SIPA1L1: variants seen among roughly 807,000 people sequenced by gnomAD.
The protein encoded by SIPA1L1 is signal-induced proliferation-associated 1-like protein 1.
A neutral mutation model predicts 162.7 loss-of-function variants in SIPA1L1; 26 were observed. The observed-to-expected ratio is 0.16, with a 90% CI of 0.12 to 0.22. The LOEUF is 0.22. SIPA1L1 is among the 10% of genes least tolerant of loss of function. The pLI is 1.00. For missense variants in SIPA1L1, 1,874 were observed against 2,241.0 expected (o/e 0.84, Z 3.31); for synonymous variants, 829 against 837.4 (o/e 0.99, Z 0.17).
chr14:71,453,298 C>G lies in SIPA1L1; in HGVS notation c.-464-59445C>G, dbSNP rs191236657. On this transcript the variant is annotated intron_variant, in intron 2 of 23. Transcript: ENST00000381232. ...TTGTTTTTGGAGAAAGGACCTTGCT[C>G]TGCTGGCCAGGCTGTAGTGCAGTGG... Among the ~76,000 whole-genome samples, 171 of 152,218 alleles carry G rather than the reference C, an allele frequency of 1.1e-3. 1 individual carries two copies. The highest frequency in any genetic ancestry group is 3.7e-3 in the African/African-American group (154 of 41,532).
intron 2 of SIPA1L1, among the ~76,000 whole-genome samples, chr14:71,402,499 C>A (rs966672774): frequency 1.3e-5 from 2 of 152,118 alleles, no homozygotes; most frequent in African/African-American, 4.8e-5. Flanking sequence ...CAGGTGTGAA[C>A]CATCACACCT....
At chr14:71,712,015 G>A (rs1464948543) in intron 17 of SIPA1L1, among the ~76,000 whole-genome samples, 1 of 152,120 alleles carries the variant, frequency 6.6e-6, no homozygotes, top group Non-Finnish European at 1.5e-5. Flanking sequence ...TGCCTTTTCT[G>A]GAGGAAAGGG....
rs367924921 is a variant in SIPA1L1, at chr14:71,589,291, C to T, written c.1419C>T (p.His473=). 2.5e-6 allele frequency: 4 copies of T among 1,613,722 alleles called. No homozygotes were observed. Among genetic ancestry groups the T allele is most frequent in the Admixed American group, 1.7e-5 (1 of 59,974 alleles). The part of the protein sequence containing the change: ...LEVPKENLVL[H]LDRVKRYIVE... Reference sequence around the variant, plus strand: ...TGCCCAAGGAGAACTTGGTGTTGCACCTAGATAGAGTGAAAAGATACATCG... The same window carrying T: ...TGCCCAAGGAGAACTTGGTGTTGCATCTAGATAGAGTGAAAAGATACATCG... The change falls in exon 5 of 24, where the codon CAC becomes CAT. Residue 473 remains histidine, a synonymous_variant. Coordinates refer to ENST00000381232, the MANE Select transcript of SIPA1L1 (RefSeq NM_001386936.1).
intron 2 of SIPA1L1, among the ~76,000 whole-genome samples, chr14:71,363,379 C>G (rs1315454883): frequency 6.6e-6 from 1 of 151,806 alleles, no homozygotes; most frequent in Non-Finnish European, 1.5e-5. Flanking sequence ...AAGACAGAAA[C>G]AACGTAATCA....
At chr14:71,610,450 C>G (rs117964456) in intron 5 of SIPA1L1, among the ~76,000 whole-genome samples, 209 of 152,290 alleles carry the variant, frequency 1.4e-3, no homozygotes, top group Non-Finnish European at 2.5e-3. Context: ...TTAACATTCT[C>G]TTAACTACTA....
chr14:71,520,927 A>AT (rs1165405682), intron 3 of SIPA1L1, among the ~76,000 whole-genome samples: 4 of 151,736 alleles, frequency 2.6e-5, no homozygotes, highest in African/African-American at 9.7e-5. Context: ...TAATTTTTTA[A>AT]TTTTTTTGTA....
chr14:71,563,309 G>A lies in SIPA1L1; in HGVS notation c.-302-24262G>A, dbSNP rs980038688. ...AACTTGACAATAATAGTACCTCCTC[G>A]TTTTTTTTTTTTAACACGATTTTGT... On this transcript the variant is annotated intron_variant, in intron 4 of 23. Transcript: ENST00000381232. Among the ~76,000 whole-genome samples, 11 of 134,986 alleles carry A rather than the reference G, an allele frequency of 8.1e-5. No individual in the cohort carries two copies. The East Asian group carries it at 1.5e-3, about 18-fold the overall frequency. 88.6% of individuals were successfully genotyped at this position (134,986 alleles called of 152,430 possible).
intron 2 of SIPA1L1, among the ~76,000 whole-genome samples, chr14:71,481,702 A>G (rs2048363810): frequency 6.6e-6 from 1 of 152,210 alleles, no homozygotes; most frequent in South Asian, 2.1e-4. Context: ...TTAAGTCATT[A>G]TTTATCAGTA....
intron 5 of SIPA1L1, among the ~76,000 whole-genome samples, chr14:71,611,364 G>GT (rs1373730874): frequency 6.6e-6 from 1 of 152,038 alleles, no homozygotes; most frequent in Admixed American, 6.6e-5. Context: ...TGAACAGTGA[G>GT]TTTTTTTCCT....
chr14:71,363,164 T>G (rs2037971063), intron 2 of SIPA1L1, among the ~76,000 whole-genome samples: 1 of 152,252 alleles, frequency 6.6e-6, no homozygotes, highest in South Asian at 2.1e-4. Context: ...CATCAGTCAA[T>G]CTGTTTTCTG....
intron 2 of SIPA1L1, among the ~76,000 whole-genome samples, chr14:71,452,673 T>A (rs2045916835): frequency 6.6e-6 from 1 of 152,208 alleles, no homozygotes; most frequent in Non-Finnish European, 1.5e-5. Context: ...AGAGTTCCAG[T>A]GGCTCCACAT....
intron 5 of SIPA1L1, among the ~76,000 whole-genome samples, chr14:71,594,590 C>T (rs2035811824): frequency 6.6e-6 from 1 of 152,130 alleles, no homozygotes; most frequent in Non-Finnish European, 1.5e-5. Flanking sequence ...ACTCCAAGGT[C>T]AATGAGTCTG....
At chr14:71,599,356 A>G (rs1374636358) in intron 5 of SIPA1L1, among the ~76,000 whole-genome samples, 20 of 150,840 alleles carry the variant, frequency 1.3e-4, no homozygotes. Flanking sequence ...CTCCATGTTG[A>G]TCAGGCTGGT....
At chr14:71,694,284 G>A (rs771446093) in intron 13 of SIPA1L1, among the ~76,000 whole-genome samples, 3 of 152,058 alleles carry the variant, frequency 2.0e-5, no homozygotes, top group Admixed American at 6.6e-5. Flanking sequence ...CCTGGTGTGC[G>A]ACTGCTTCTG....
At chr14:71,469,284 C>A (rs994191050) in intron 2 of SIPA1L1, among the ~76,000 whole-genome samples, 4 of 152,136 alleles carry the variant, frequency 2.6e-5, no homozygotes, top group Non-Finnish European at 5.9e-5. Context: ...AGTTATTATT[C>A]GGGGATGAGG....
chr14:71,582,000 C>T (rs1170527199), intron 4 of SIPA1L1, among the ~76,000 whole-genome samples: 3 of 152,074 alleles, frequency 2.0e-5, no homozygotes, highest in Non-Finnish European at 4.4e-5. Flanking sequence ...TTGACATGTA[C>T]TTCTGTTCTC....
intron 4 of SIPA1L1, among the ~76,000 whole-genome samples, chr14:71,561,767 A>G (rs759958744): frequency 6.6e-6 from 1 of 152,052 alleles, no homozygotes; most frequent in Non-Finnish European, 1.5e-5. Flanking sequence ...TTGTATTTTT[A>G]GTAGAGACGG....
chr14:71,358,773 T>C (rs1486603301), intron 2 of SIPA1L1, among the ~76,000 whole-genome samples: 2 of 152,146 alleles, frequency 1.3e-5, no homozygotes, highest in East Asian at 1.9e-4. Flanking sequence ...CAGGAAACTT[T>C]TAGTCATGGC....
At chr14:71,586,968 T>TGGATATAATGGCTCTG (rs1416344045) in intron 4 of SIPA1L1, 6 of 152,206 alleles carry the variant, frequency 3.9e-5, no homozygotes, top group Non-Finnish European at 8.8e-5. Context: ...AGAGTGCTAA[T>TGGATATAATGGCTCTG]GGATATAATG....
Sources: gnomAD v4.1 joint callset for allele counts (sites outside exome capture counted in the v4.1 genomes callset) on GRCh38, gnomAD v4.1.1 for gene constraint, MANE v1.5 for transcripts, NCBI Gene and HGNC (gene_info 2026-07-23, HGNC 2026-07-21) for gene names.